PRKCH: variants seen among roughly 807,000 people sequenced by gnomAD.
The protein encoded by PRKCH is protein kinase C eta type.
Under a neutral mutation model 82.5 loss-of-function variants are expected in PRKCH, and 28 were observed. That is an observed-to-expected ratio of 0.34 (90% CI 0.25 to 0.47). PRKCH has a LOEUF of 0.47. PRKCH is among the 20% of genes least tolerant of loss of function. PRKCH has a pLI of 1.00. For missense variants in PRKCH, 705 were observed against 881.8 expected (o/e 0.80, Z 2.54); for synonymous variants, 322 against 327.4 (o/e 0.98, Z 0.18).
At chr14:61,300,644 T>C (rs2140103881) in intron 1 of PRKCH, among the ~76,000 whole-genome samples, 1 of 152,282 alleles carries the variant, frequency 6.6e-6, no homozygotes, top group East Asian at 1.9e-4. Context: ...AAGTCCTTGG[T>C]AAGGTTTTCC....
intron 5 of PRKCH, among the ~76,000 whole-genome samples, chr14:61,449,718 A>G (rs1884395639): frequency 6.6e-6 from 1 of 152,220 alleles, no homozygotes; most frequent in Non-Finnish European, 1.5e-5. Flanking sequence ...AAACAGGATC[A>G]ATGTTTCCCT....
At chr14:61,208,717 ATAAAG>A (rs1325707562) in intron 1 of PRKCH, among the ~76,000 whole-genome samples, 4 of 152,244 alleles carry the variant, frequency 2.6e-5, no homozygotes, top group Non-Finnish European at 4.4e-5. Flanking sequence ...ACAACGATTG[ATAAAG>A]TAAACAATAA....
intron 1 of PRKCH, among the ~76,000 whole-genome samples, chr14:61,310,641 T>C (rs1220820334): frequency 2.0e-5 from 3 of 152,208 alleles, no homozygotes. Context: ...AAGCTGTAGG[T>C]AGATCTACCA....
chr14:61,526,358 G>C (rs1180289666), intron 10 of PRKCH, among the ~76,000 whole-genome samples: 1 of 152,208 alleles, frequency 6.6e-6, no homozygotes, highest in Non-Finnish European at 1.5e-5. Context: ...TTATGCCCCT[G>C]ACACCCGGGG....
chr14:61,342,100 A>T (rs1406163777), intron 1 of PRKCH, among the ~76,000 whole-genome samples: 2 of 152,104 alleles, frequency 1.3e-5, no homozygotes, highest in East Asian at 3.9e-4. Context: ...CAGCCTCTGC[A>T]GTGTAACTGG....
intron 1 of PRKCH, among the ~76,000 whole-genome samples, chr14:61,232,003 C>A (rs1000033470): frequency 6.6e-6 from 1 of 152,202 alleles, no homozygotes; most frequent in South Asian, 2.1e-4. Flanking sequence ...CTGGACACAG[C>A]GTCAGATCCC....
chr14:61,324,963 G>A lies in PRKCH; in HGVS notation c.363+2499G>A, dbSNP rs2045675147. Among the ~76,000 whole-genome samples the A allele has an allele frequency of 2.6e-5, 4 of 152,242 alleles. No homozygotes were observed. The South Asian group carries it at 8.3e-4, about 32-fold the overall frequency. The stretch of plus-strand genomic sequence containing the variant: ...GTTCAAAAAACCCCCAAAACCTAGT[G>A]ACTTAGTTTTTGCTAGATCCAGAGA... On this transcript the variant is annotated intron_variant, in intron 1 of 13. Coordinates refer to ENST00000332981, the MANE Select transcript of PRKCH (RefSeq NM_006255.5).
chr14:61,485,123 CT>C (rs1306937258), intron 9 of PRKCH, among the ~76,000 whole-genome samples: 1 of 152,132 alleles, frequency 6.6e-6, no homozygotes, highest in Non-Finnish European at 1.5e-5. Flanking sequence ...GTGTCCTTTA[CT>C]TTGGGTAATT....
intron 10 of PRKCH, among the ~76,000 whole-genome samples, chr14:61,522,119 T>C (rs891432885): frequency 2.0e-5 from 3 of 152,226 alleles, no homozygotes; most frequent in African/African-American, 7.2e-5. Context: ...CAGAACCTGC[T>C]GATGCCTCCT....
chr14:61,214,667 T>G (rs1035042461), intron 1 of PRKCH, among the ~76,000 whole-genome samples: 4 of 152,114 alleles, frequency 2.6e-5, no homozygotes, highest in African/African-American at 9.7e-5. Context: ...AACCTCACCC[T>G]TCCCCATCTG....
chr14:61,204,774 A>AG lies in PRKCH; in HGVS notation c.-19+17106_-19+17107insG, dbSNP rs1238694140. Among the ~76,000 whole-genome samples the AG allele has an allele frequency of 7.9e-5, 12 of 151,228 alleles. No homozygotes were observed. In the East Asian group the frequency reaches 2.0e-3, roughly 25 times the overall value. On this transcript the variant is annotated intron_variant, in intron 1 of 3. Transcript: ENST00000555185. Reference sequence around the variant, plus strand: ...AGACCCTTTCTCAAGAAAAAAAAAAAAAAAGAAAAGAAATAAATAGAGGTA... The same window carrying AG: ...AGACCCTTTCTCAAGAAAAAAAAAAAGAAAAGAAAAGAAATAAATAGAGGTA...
intron 2 of PRKCH, among the ~76,000 whole-genome samples, chr14:61,440,208 C>A (rs978232265): frequency 4.6e-5 from 7 of 152,176 alleles, no homozygotes; most frequent in Admixed American, 4.6e-4. Context: ...TTCGTGGTTT[C>A]TAAATGACTT....
At chr14:61,210,962 A>C (rs2044574348) in intron 1 of PRKCH, among the ~76,000 whole-genome samples, 1 of 152,172 alleles carries the variant, frequency 6.6e-6, no homozygotes, top group Non-Finnish European at 1.5e-5. Flanking sequence ...CCAAAAGTCC[A>C]AGTAAATGCC....
chr14:61,251,414 T>G (rs926747308), intron 1 of PRKCH, among the ~76,000 whole-genome samples: 1 of 152,218 alleles, frequency 6.6e-6, no homozygotes, highest in African/African-American at 2.4e-5. Context: ...TTCAGTGGTT[T>G]TGATCTTTAG....
chr14:61,488,916 C>A (rs1886340501), intron 10 of PRKCH, among the ~76,000 whole-genome samples: 1 of 152,100 alleles, frequency 6.6e-6, no homozygotes, highest in African/African-American at 2.4e-5. Context: ...GACTTGAATC[C>A]CATGTTCAGG....
chr14:61,198,787 G>C (rs1172952917), intron 1 of PRKCH, among the ~76,000 whole-genome samples: 1 of 152,214 alleles, frequency 6.6e-6, no homozygotes, highest in Non-Finnish European at 1.5e-5. Flanking sequence ...GGAAGGCTAT[G>C]TTTGGAAAAT....
chr14:61,441,510 A>T (rs1883971377), intron 2 of PRKCH, among the ~76,000 whole-genome samples: 1 of 152,132 alleles, frequency 6.6e-6, no homozygotes, highest in Non-Finnish European at 1.5e-5. Flanking sequence ...TCTGGTTCTT[A>T]TGCGTCCGTC....
intron 9 of PRKCH, among the ~76,000 whole-genome samples, chr14:61,470,649 C>T (rs1412030260): frequency 6.6e-6 from 1 of 152,040 alleles, no homozygotes; most frequent in East Asian, 1.9e-4. Flanking sequence ...AGCAAAAGAG[C>T]CTGTATTTTT....
chr14:61,200,013 A>G (rs962868162), intron 1 of PRKCH, among the ~76,000 whole-genome samples: 1 of 152,228 alleles, frequency 6.6e-6, no homozygotes, highest in Admixed American at 6.5e-5. Context: ...CATATCTGGT[A>G]TATTAAAAAT....
Sources: allele counts gnomAD v4.1 joint callset (sites outside exome capture counted in the v4.1 genomes callset), GRCh38; gene constraint gnomAD v4.1.1; transcripts MANE v1.5; gene names NCBI Gene and HGNC (gene_info 2026-07-23, HGNC 2026-07-21).